STX17: variants seen among roughly 807,000 people sequenced by gnomAD.
The protein encoded by STX17 is syntaxin 17, also known as syntaxin-17.
In STX17, 29 loss-of-function variants were observed where a neutral mutation model predicts 35.9. The observed-to-expected ratio is 0.81, with a 90% CI of 0.60 to 1.10. STX17 has a LOEUF of 1.10. STX17 is among the 50% of genes least tolerant of loss of function. The pLI, the probability that STX17 is intolerant of heterozygous loss-of-function variation, is 0.00. For synonymous variants in STX17, 92 were observed against 118.3 expected (o/e 0.78, Z 1.44); for missense variants, 312 against 352.3 (o/e 0.89, Z 0.92).
chr9:99,908,599 G>A (rs1449771033), intron 1 of STX17, among the ~76,000 whole-genome samples: 1 of 152,064 alleles, frequency 6.6e-6, no homozygotes, highest in Non-Finnish European at 1.5e-5. Context: ...TAGCTTTTCA[G>A]CATGCTTCCA....
chr9:99,932,208 C>T (rs923880614), intron 3 of STX17, among the ~76,000 whole-genome samples: 4 of 152,036 alleles, frequency 2.6e-5, no homozygotes. Flanking sequence ...CTGTGGTCCT[C>T]TTGAATTCAG....
At chr9:99,916,477 T>C (rs1277142516) in intron 2 of STX17, among the ~76,000 whole-genome samples, 1 of 151,194 alleles carries the variant, frequency 6.6e-6, no homozygotes, top group African/African-American at 2.4e-5. Context: ...TTTTGAAGGT[T>C]GGGAGTGGAG....
chr9:99,937,832 T>G (rs1471838775), intron 3 of STX17: 3 of 152,226 alleles, frequency 2.0e-5, no homozygotes, highest in Admixed American at 6.5e-5. Context: ...TTTTTATGTT[T>G]TATACATCTT....
At chr9:99,954,764 C>T (rs1829674561) in intron 4 of STX17, among the ~76,000 whole-genome samples, 1 of 152,030 alleles carries the variant, frequency 6.6e-6, no homozygotes, top group Admixed American at 6.6e-5. Context: ...AGCAGAGATT[C>T]AGAAGCAATG....
intron 3 of STX17, among the ~76,000 whole-genome samples, chr9:99,932,893 G>GTAAATCATTAGATTTACAATA (rs2118392434): frequency 6.6e-6 from 1 of 152,168 alleles, no homozygotes; most frequent in South Asian, 2.1e-4. Context: ...TTAGATTTAC[G>GTAAATCATTAGATTTACAATA]TAGTAAGAGC....
chr9:99,955,984 G>C (rs898421532), intron 4 of STX17, among the ~76,000 whole-genome samples: 1 of 152,140 alleles, frequency 6.6e-6, no homozygotes, highest in African/African-American at 2.4e-5. Context: ...CTGAGGTAGT[G>C]ATTTTAAATG....
At chr9:99,931,048 T>A (rs1383089874) in intron 3 of STX17, among the ~76,000 whole-genome samples, 1 of 152,186 alleles carries the variant, frequency 6.6e-6, no homozygotes, top group Non-Finnish European at 1.5e-5. Flanking sequence ...TGATGCAATC[T>A]TGGCTCACTG....
At chr9:99,938,755 C>T in intron 3 of STX17, among the ~76,000 whole-genome samples, 1 of 149,474 alleles carries the variant, frequency 6.7e-6, no homozygotes. Flanking sequence ...CCACTGCACT[C>T]CAGCCTGGGT....
In STX17 at chr9:99,972,196, T is replaced by G. The variant is rs1458107795; in HGVS notation, c.*3523T>G. On this transcript the variant is annotated 3_prime_UTR_variant, in exon 8 of 8. Transcript: ENST00000259400. Reference sequence around the variant, plus strand: ...ATAAAATCAAGAAAGAGTATTTCAATCCCATCCACCTGCCTGCAAGATTTC... The same window carrying G: ...ATAAAATCAAGAAAGAGTATTTCAAGCCCATCCACCTGCCTGCAAGATTTC... Among the ~76,000 whole-genome samples the G allele has an allele frequency of 6.6e-6, 1 of 152,204 alleles. No homozygotes were observed. Among genetic ancestry groups the G allele is most frequent in the East Asian group, 1.9e-4 (1 of 5,204 alleles).
At chr9:99,949,780 T>A (rs1204904169) in intron 3 of STX17, among the ~76,000 whole-genome samples, 1 of 152,074 alleles carries the variant, frequency 6.6e-6, no homozygotes, top group Non-Finnish European at 1.5e-5. Flanking sequence ...CTATTTAATC[T>A]TAAAGGGATT....
chr9:99,933,043 C>T (rs1177371026), intron 3 of STX17, among the ~76,000 whole-genome samples: 1 of 152,186 alleles, frequency 6.6e-6, no homozygotes, highest in East Asian at 1.9e-4. Context: ...GAAGATATTT[C>T]TTTATATATT....
intron 2 of STX17, chr9:99,916,138 G>C: frequency 4.4e-6 from 2 of 452,508 alleles, no homozygotes; most frequent in Non-Finnish European, 8.9e-6. Flanking sequence ...TCACAATTGA[G>C]AAGTACTGCC....
chr9:99,927,011 T>G (rs1263692383), intron 2 of STX17, among the ~76,000 whole-genome samples: 1 of 152,226 alleles, frequency 6.6e-6, no homozygotes, highest in Non-Finnish European at 1.5e-5. Context: ...GACCACGGGT[T>G]GTTCCCTCAC....
chr9:99,958,914 G>C (rs1224192900), intron 4 of STX17, among the ~76,000 whole-genome samples: 3 of 152,154 alleles, frequency 2.0e-5, no homozygotes, highest in Admixed American at 2.0e-4. Context: ...GGAGTCATGG[G>C]CCAGAAGATT....
intron 3 of STX17, among the ~76,000 whole-genome samples, chr9:99,946,954 A>C (rs746257981): frequency 1.3e-4 from 20 of 151,380 alleles, no homozygotes; most frequent in Middle Eastern, 3.4e-3. Flanking sequence ...CCTTTTATTT[A>C]TTCTTCTCAG....
At chr9:99,945,531 C>G (rs1829464191) in intron 3 of STX17, among the ~76,000 whole-genome samples, 1 of 151,308 alleles carries the variant, frequency 6.6e-6, no homozygotes, top group South Asian at 2.1e-4. Context: ...AAAATTCAGT[C>G]TATAAATCTT....
intron 4 of STX17, among the ~76,000 whole-genome samples, chr9:99,956,848 G>A (rs1829719697): frequency 6.6e-6 from 1 of 152,328 alleles, no homozygotes; most frequent in Admixed American, 6.5e-5. Flanking sequence ...AGGTAAAATA[G>A]TAATGCAGTT....
Position 99,968,415 on chromosome 9 carries a change from ATT to A in STX17, c.670-6_670-5del, listed in dbSNP as rs202054777. 1,015 of 1,335,588 alleles carry A rather than the reference ATT, an allele frequency of 7.6e-4. No individual in the cohort carries two copies. Among genetic ancestry groups the A allele is most frequent in the South Asian group, 3.2e-3 (199 of 61,546 alleles). 82.7% of individuals were successfully genotyped at this position (1,335,588 alleles called of 1,614,324 possible). On this transcript the variant is annotated splice_polypyrimidine_tract_variant and intron_variant, in intron 7 of 7. Coordinates refer to ENST00000259400, the MANE Select transcript of STX17 (RefSeq NM_017919.3). ...ATTCTCAACTCAGTTTCTAAATTGA[ATT>A]TTTTTTTTTTTTACAGGCTGCAAAA...
At chr9:99,956,460 A>C (rs544461089) in intron 4 of STX17, among the ~76,000 whole-genome samples, 117 of 152,276 alleles carry the variant, frequency 7.7e-4, no homozygotes, top group Non-Finnish European at 1.4e-3. Flanking sequence ...ATTATTCATC[A>C]TAATGTGAAA....
Sources: allele counts gnomAD v4.1 joint callset (sites outside exome capture counted in the v4.1 genomes callset), GRCh38; gene constraint gnomAD v4.1.1; transcripts MANE v1.5; gene names NCBI Gene and HGNC (gene_info 2026-07-23, HGNC 2026-07-21).